Variants in CEP112 observed in about 807,000 individuals in gnomAD.
The protein encoded by CEP112 is centrosomal protein 112.
CEP112 carries 127 observed loss-of-function variants against 153.0 expected under a neutral mutation model. The ratio of observed to expected loss-of-function variants is 0.83; its 90% CI spans 0.72 to 0.96. CEP112 has a LOEUF of 0.96. Among genes scored for constraint, CEP112 ranks in the 40% least tolerant of loss-of-function variants. CEP112 has a pLI of 0.00. For missense variants in CEP112, 1,089 were observed against 1,101.2 expected (o/e 0.99, Z 0.16); for synonymous variants, 358 against 374.4 (o/e 0.96, Z 0.51).
intron 6 of CEP112, among the ~76,000 whole-genome samples, chr17:66,105,614 T>C (rs1223147835): frequency 6.6e-6 from 1 of 152,072 alleles, no homozygotes. Context: ...GGTAACATTG[T>C]AAAACCCCGT....
intron 21 of CEP112, among the ~76,000 whole-genome samples, chr17:65,849,430 T>C (rs1461112714): frequency 6.6e-6 from 1 of 152,200 alleles, no homozygotes; most frequent in Non-Finnish European, 1.5e-5. Context: ...TCCCCTGTTT[T>C]TTATATACCC....
At chr17:65,639,898 C>T (rs1423573204) in intron 25 of CEP112, among the ~76,000 whole-genome samples, 4 of 125,136 alleles carry the variant, frequency 3.2e-5, no homozygotes, top group Non-Finnish European at 4.7e-5. Context: ...GTGCACTGGG[C>T]GTGACCTCGG....
intron 21 of CEP112, among the ~76,000 whole-genome samples, chr17:65,805,704 C>T (rs2145861060): frequency 6.6e-6 from 1 of 152,248 alleles, no homozygotes; most frequent in Non-Finnish European, 1.5e-5. Flanking sequence ...CCTGTACTTC[C>T]TTTTATTTGG....
intron 20 of CEP112, among the ~76,000 whole-genome samples, chr17:65,879,699 T>C (rs544392694): frequency 5.9e-5 from 9 of 152,132 alleles, no homozygotes; most frequent in Middle Eastern, 3.4e-3. Flanking sequence ...GGAAAATTTA[T>C]TATATTTATT....
intron 4 of CEP112, among the ~76,000 whole-genome samples, chr17:66,164,384 C>A (rs569266828): frequency 3.4e-4 from 51 of 151,818 alleles, no homozygotes; most frequent in Middle Eastern, 3.4e-3. Flanking sequence ...ATAGCAAGAC[C>A]CCGTCTCTAC....
intron 24 of CEP112, among the ~76,000 whole-genome samples, chr17:65,650,127 C>G (rs1234412211): frequency 6.6e-6 from 1 of 152,210 alleles, no homozygotes; most frequent in Non-Finnish European, 1.5e-5. Context: ...TGCTTTTTCT[C>G]ACAACAGGAT....
chr17:65,814,660 CCT>C (rs2056171854), intron 21 of CEP112, among the ~76,000 whole-genome samples: 2 of 152,072 alleles, frequency 1.3e-5, no homozygotes, highest in South Asian at 4.2e-4. Flanking sequence ...GGATGTGTCC[CCT>C]GTCAAACCCT....
intron 8 of CEP112, among the ~76,000 whole-genome samples, chr17:66,084,014 G>A (rs2067825253): frequency 6.6e-6 from 1 of 152,152 alleles, no homozygotes; most frequent in South Asian, 2.1e-4. Context: ...AAAGGCTTTT[G>A]TAAGCATAAT....
intron 21 of CEP112, among the ~76,000 whole-genome samples, chr17:65,819,175 G>T (rs999077226): frequency 6.6e-6 from 1 of 151,878 alleles, no homozygotes; most frequent in Non-Finnish European, 1.5e-5. Context: ...TCCTTCAGCA[G>T]AATTTATCCA....
At chr17:65,772,601 C>G (rs2053428651) in intron 21 of CEP112, among the ~76,000 whole-genome samples, 1 of 125,082 alleles carries the variant, frequency 8.0e-6, no homozygotes, top group Non-Finnish European at 1.6e-5. Context: ...CACACACACA[C>G]ACACACACAC....
chr17:66,031,828 G>A (rs1479565277), intron 12 of CEP112, among the ~76,000 whole-genome samples: 3 of 152,154 alleles, frequency 2.0e-5, no homozygotes, highest in African/African-American at 7.2e-5. Context: ...ATAGAGATGA[G>A]GCATCATCCT....
chr17:65,716,388 T>C (rs1207038894), intron 23 of CEP112, among the ~76,000 whole-genome samples: 2 of 152,124 alleles, frequency 1.3e-5, no homozygotes, highest in African/African-American at 2.4e-5. Context: ...CTCGAACGGC[T>C]GACCTCAAGT....
chr17:65,962,904 C>G (rs942770233), intron 17 of CEP112, among the ~76,000 whole-genome samples: 1 of 152,164 alleles, frequency 6.6e-6, no homozygotes, highest in African/African-American at 2.4e-5. Context: ...TTGAAAATTG[C>G]CAAGTCTCCA....
chr17:66,138,371 T>C (rs1043510203), intron 4 of CEP112, among the ~76,000 whole-genome samples: 12 of 152,158 alleles, frequency 7.9e-5, no homozygotes, highest in African/African-American at 1.9e-4. Flanking sequence ...TACCTGATGG[T>C]TGGTTTCCAG....
At chr17:66,084,657 G>A (rs2067847097) in intron 8 of CEP112, among the ~76,000 whole-genome samples, 1 of 152,084 alleles carries the variant, frequency 6.6e-6, no homozygotes, top group South Asian at 2.1e-4. Context: ...ATGGTTATTA[G>A]GGGCTGGAAA....
Position 65,931,832 on chromosome 17 carries a change from T to C in CEP112, c.1873-4143A>G, listed in dbSNP as rs117556449. On this transcript the variant is annotated intron_variant, in intron 18 of 26. Coordinates refer to ENST00000535342, the MANE Select transcript of CEP112 (RefSeq NM_001199165.4). ...AGCAGTGATTGCCCCTGTCTAGTGT[T>C]GGAGCCCAGCCTGAGGTGCAGGCAG... 3.5e-3 allele frequency among the ~76,000 whole-genome samples: 526 copies of C among 152,326 alleles called. 2 individuals carry two copies. Among genetic ancestry groups the C allele is most frequent in the South Asian group, 7.3e-3 (35 of 4,826 alleles).
intron 23 of CEP112, among the ~76,000 whole-genome samples, chr17:65,703,629 A>C (rs1255784224): frequency 1.3e-5 from 2 of 149,196 alleles, no homozygotes; most frequent in Admixed American, 6.7e-5. Flanking sequence ...CTCAGCCTCT[A>C]CGTTTTGCCA....
At chr17:65,785,528 CATT>C (rs1438837343) in intron 21 of CEP112, among the ~76,000 whole-genome samples, 1 of 152,212 alleles carries the variant, frequency 6.6e-6, no homozygotes, top group Non-Finnish European at 1.5e-5. Context: ...AGTGGTATCT[CATT>C]GTTGTTCTGA....
chr17:66,041,321 A>C (rs1428733362), intron 12 of CEP112, among the ~76,000 whole-genome samples: 1 of 146,434 alleles, frequency 6.8e-6, no homozygotes, highest in Non-Finnish European at 1.5e-5. Flanking sequence ...TGGCAAATAG[A>C]GCAGAGTTTA....
Sources: allele counts gnomAD v4.1 joint callset (sites outside exome capture counted in the v4.1 genomes callset), GRCh38; gene constraint gnomAD v4.1.1; transcripts MANE v1.5; gene names NCBI Gene and HGNC (gene_info 2026-07-23, HGNC 2026-07-21).